Variants in ZNF443 observed in about 807,000 individuals in gnomAD.
ZNF443 encodes zinc finger protein 443.
Under a neutral mutation model 12.0 loss-of-function variants are expected in ZNF443, and 3 were observed. The ratio of observed to expected loss-of-function variants is 0.25; its 90% CI spans 0.11 to 0.64. The LOEUF (loss-of-function observed/expected upper bound fraction) is 0.64, where lower values mean the gene tolerates loss of function less well. ZNF443 is among the 30% of genes least tolerant of loss of function. The pLI is 0.84. For missense variants in ZNF443, 770 were observed against 808.8 expected, an observed-to-expected ratio of 0.95 and a Z score of 0.58; for synonymous variants, 225 against 265.9, an observed-to-expected ratio of 0.85 and a Z score of 1.50.
intron 1 of ZNF443, among the ~76,000 whole-genome samples, chr19:12,440,558 T>C (rs1330815625): frequency 6.6e-6 from 1 of 151,894 alleles, no homozygotes; most frequent in Non-Finnish European, 1.5e-5. Flanking sequence ...TCCTCCCCTC[T>C]CCTCCTGTTA....
rs1406567107 is a variant in ZNF443 at position 12,431,430 on chromosome 19, T to C, written c.742A>G (p.Thr248Ala). 1.9e-6 allele frequency: 3 copies of C among 1,614,158 alleles called. No individual in the cohort carries two copies. Among genetic ancestry groups the C allele is most frequent in the Non-Finnish European group, 2.5e-6 (3 of 1,179,990 alleles). ...TTACATTCATACGGTTTCTCCCCAGTATGTGTTCTTTCATGTCTTAGATAG... is the reference window on the plus strand; with the variant it reads ...TTACATTCATACGGTTTCTCCCCAGCATGTGTTCTTTCATGTCTTAGATAG... Reference protein sequence around the residue: ...SSYLRHERTHTGEKPYECKQC... With the variant: ...SSYLRHERTHAGEKPYECKQC... Residue 248 changes from threonine to alanine, a missense_variant, in exon 4 of 4, where the codon ACT becomes GCT. Physicochemically the swap from Thr to Ala is moderately conservative, Grantham distance 58 (BLOSUM62 0). Around this residue, in one of 3 missense-constraint regions of ZNF443, gnomAD observed 736 missense variants for 689.4 expected, o/e 1.07. Transcript: ENST00000301547.
intron 1 of ZNF443, among the ~76,000 whole-genome samples, chr19:12,433,840 A>T (rs1220195692): frequency 1.6e-5 from 1 of 61,928 alleles, no homozygotes; most frequent in Non-Finnish European, 3.1e-5. Flanking sequence ...AAAGTGGCAG[A>T]AAAAAAAAAA....
Position 12,440,926 on chromosome 19 carries a change from C to T in ZNF443, c.-12G>A. The T allele has an allele frequency of 6.2e-7, 1 of 1,614,120 alleles. No homozygotes were observed. Among genetic ancestry groups the T allele is most frequent in the Non-Finnish European group, 8.5e-7 (1 of 1,179,988 alleles). ...AGCACACGCACCATTTCCCGACTTC[C>T]GCGGTGTCCCAGGTCCTACCGACAG... On this transcript the variant is annotated 5_prime_UTR_variant, in exon 1 of 4. Coordinates refer to ENST00000301547, the MANE Select transcript of ZNF443 (RefSeq NM_005815.5).
At chr19:12,433,589 A>G (rs1970279760) in intron 1 of ZNF443, among the ~76,000 whole-genome samples, 1 of 152,156 alleles carries the variant, frequency 6.6e-6, no homozygotes, top group Non-Finnish European at 1.5e-5. Flanking sequence ...GCTTTTTCAC[A>G]AAGTTGGGCT....
In ZNF443 at chr19:12,431,087, T is replaced by C. The variant is rs765470871; in HGVS notation, c.1085A>G (p.Asn362Ser). 1.9e-6 allele frequency: 3 copies of C among 1,614,110 alleles called. No homozygotes were observed. The highest frequency in any genetic ancestry group is 2.2e-5 in the South Asian group (2 of 91,078). ...FQRHMIRHTG[N>S]GPHKCKICGK... Reference sequence around the variant, plus strand: ...ACATATCTTACATTTATGAGGTCCATTTCCAGTGTGCCTTATCATGTGTCT... The same window carrying C: ...ACATATCTTACATTTATGAGGTCCACTTCCAGTGTGCCTTATCATGTGTCT... Residue 362 changes from asparagine (N) to serine (S), a missense_variant, in exon 4 of 4, where the codon AAT becomes AGT. Coordinates refer to ENST00000301547, the MANE Select transcript of ZNF443 (RefSeq NM_005815.5).
intron 1 of ZNF443, among the ~76,000 whole-genome samples, chr19:12,438,841 G>A (rs2112843): frequency 0.73 from 110,942 of 152,138 alleles, 40,952 homozygotes; most frequent in Non-Finnish European, 0.79. Context: ...TCTGAAGTCC[G>A]ACTCTTTCCA....
At chr19:12,435,826 T>C (rs1424955628) in intron 1 of ZNF443, among the ~76,000 whole-genome samples, 1 of 151,806 alleles carries the variant, frequency 6.6e-6, no homozygotes, top group Non-Finnish European at 1.5e-5. Context: ...ATACAGTCTG[T>C]GCAAACATAC....
chr19:12,438,117 G>A (rs1204689572), intron 1 of ZNF443, among the ~76,000 whole-genome samples: 4 of 150,930 alleles, frequency 2.7e-5, no homozygotes. Flanking sequence ...AAAAAAAATT[G>A]GTCTTAGCTG....
In ZNF443 at chr19:12,431,943, C is replaced by T. The variant is rs1454994920; in HGVS notation, c.229G>A (p.Gly77Arg). The T allele has an allele frequency of 6.3e-7, 1 of 1,593,924 alleles. No individual in the cohort carries two copies. The highest frequency in any genetic ancestry group is 1.1e-5 in the South Asian group (1 of 88,026). ...MLERFVESKD[G>R]TQCGETSSQI... ...CTAGATGTTTCTCCACATTGAGTTC[C>T]ATCTTTACTTTCAACAAATCTCTCT... Residue 77 changes from glycine to arginine, a missense_variant, in exon 4 of 4, where the codon GGA (glycine) becomes AGA (arginine). Gly to Arg is a moderately radical substitution (Grantham distance 125). This residue lies in a region of ZNF443 where 736 missense variants were observed against 689.4 expected (regional missense o/e 1.07). Transcript: ENST00000301547.
intron 1 of ZNF443, among the ~76,000 whole-genome samples, chr19:12,437,707 T>G (rs2862176): frequency 0.33 from 49,908 of 151,918 alleles, 8,655 homozygotes; most frequent in South Asian, 0.47. Flanking sequence ...ACTATTTTTT[T>G]TATTCTCTCA....
chr19:12,439,968 A>C (rs1316728100), intron 1 of ZNF443, among the ~76,000 whole-genome samples: 5 of 151,562 alleles, frequency 3.3e-5, no homozygotes, highest in Admixed American at 1.3e-4. Flanking sequence ...CCCTAGGAAG[A>C]GTCAGGATGA....
At position 12,430,883 on chromosome 19, in the gene ZNF443, A is replaced by T. The variant is rs1293513513; in HGVS notation, c.1289T>A (p.Phe430Tyr). Residue 430 changes from phenylalanine (F) to tyrosine (Y), a missense_variant, in exon 4 of 4, where the codon TTT (phenylalanine) becomes TAT (tyrosine). Phe to Tyr is a conservative substitution (Grantham distance 22). Coordinates refer to ENST00000301547, the MANE Select transcript of ZNF443 (RefSeq NM_005815.5). ...TCTTTGAAATACACTGGGATAAACAAAGGCTTTCCCACATACCTTGCATTT... is the reference window on the plus strand; with the variant it reads ...TCTTTGAAATACACTGGGATAAACATAGGCTTTCCCACATACCTTGCATTT... ...PHKCKVCGKA[F>Y]VYPSVFQRHE... The T allele has an allele frequency of 7.4e-6, 12 of 1,614,022 alleles. No individual in the cohort carries two copies. Among genetic ancestry groups the T allele is most frequent in the Non-Finnish European group, 1.0e-5 (12 of 1,179,998 alleles).
chr19:12,440,995 A>C lies in ZNF443; in HGVS notation c.-81T>G. The C allele has an allele frequency of 1.2e-5, 19 of 1,611,412 alleles. No individual in the cohort carries two copies. Among genetic ancestry groups the C allele is most frequent in the Non-Finnish European group, 1.5e-5 (18 of 1,178,400 alleles). On this transcript the variant is annotated 5_prime_UTR_variant, in exon 1 of 4. Coordinates refer to ENST00000301547, the MANE Select transcript of ZNF443 (RefSeq NM_005815.5). ...GTTCCAGCCAGACAAAGGCTGCCTCAGAACTTCCAGGTCGTCTCTCAGCTA... is the reference window on the plus strand; with the variant it reads ...GTTCCAGCCAGACAAAGGCTGCCTCCGAACTTCCAGGTCGTCTCTCAGCTA...
chr19:12,436,980 T>C (rs2144956979), intron 1 of ZNF443, among the ~76,000 whole-genome samples: 1 of 151,590 alleles, frequency 6.6e-6, no homozygotes, highest in East Asian at 1.9e-4. Flanking sequence ...GGAGGAATGC[T>C]GAACACTGGG....
At chr19:12,437,022 G>C (rs1405626818) in intron 1 of ZNF443, among the ~76,000 whole-genome samples, 1 of 151,452 alleles carries the variant, frequency 6.6e-6, no homozygotes, top group Non-Finnish European at 1.5e-5. Context: ...AGCCAGTACA[G>C]TGTTACTTAA....
chr19:12,431,347 A>G lies in ZNF443; in HGVS notation c.825T>C (p.His275=), dbSNP rs1478875220. 2 of 1,613,678 alleles carry G rather than the reference A, an allele frequency of 1.2e-6. No homozygotes were observed. Among genetic ancestry groups the G allele is most frequent in the African/African-American group, 1.3e-5 (1 of 74,842 alleles). Residue 275 remains histidine (H), a synonymous_variant, in exon 4 of 4, where the codon CAT becomes CAC. Coordinates refer to ENST00000301547, the MANE Select transcript of ZNF443 (RefSeq NM_005815.5). ...TACATTTATATGGTTTCTCCCCAGTATGTGTTCTTTCATGTCTTAGATAGG... is the reference window on the plus strand; with the variant it reads ...TACATTTATATGGTTTCTCCCCAGTGTGTGTTCTTTCATGTCTTAGATAGG... ...YSSYLRHERT[H]TGEKPYKCKQ...
intron 1 of ZNF443, among the ~76,000 whole-genome samples, chr19:12,440,204 T>C (rs897134720): frequency 9.2e-5 from 13 of 141,322 alleles, no homozygotes; most frequent in Admixed American, 2.9e-4. Context: ...GGAGGCGAGA[T>C]TGCAGTTAGA....
rs1219890994 is a variant in ZNF443 at position 12,430,803 on chromosome 19, C to T, written c.1369G>A (p.Ala457Thr). The T allele has an allele frequency of 1.9e-6, 3 of 1,614,100 alleles. No individual in the cohort carries two copies. Among genetic ancestry groups the T allele is most frequent in the Non-Finnish European group, 2.5e-6 (3 of 1,179,984 alleles). Residue 457 changes from alanine (A) to threonine (T), a missense_variant, in exon 4 of 4, where the codon GCC becomes ACC. Ala to Thr is a moderately conservative substitution (Grantham distance 58). Coordinates refer to ENST00000301547, the MANE Select transcript of ZNF443 (RefSeq NM_005815.5). ...CGAAGGGAACTGGAAATACGGTAGG[C>T]TTTGCCACATTGTTTACATTTATAG... ...KPYKCKQCGK[A>T]YRISSSLRRH... is the part of the protein sequence containing the mutation.
In ZNF443 at chr19:12,430,347, T is replaced by C. The variant is rs747012779; in HGVS notation, c.1825A>G (p.Thr609Ala). 2 of 1,613,676 alleles carry C rather than the reference T, an allele frequency of 1.2e-6. No homozygotes were observed. Among genetic ancestry groups the C allele is most frequent in the East Asian group, 2.2e-5 (1 of 44,846 alleles). The change falls in exon 4 of 4, where the codon ACT (threonine) becomes GCT (alanine). Residue 609 changes from threonine to alanine, a missense_variant. Transcript: ENST00000301547. ...TCATACGGGTTCTCTCCAGTATGAG[T>C]TTTTTCATGTCCTTGAAGAAAACGG... ...HSRFLQGHEK[T>A]HTGENPYECK...
Sources: gnomAD v4.1 joint callset for allele counts (sites outside exome capture counted in the v4.1 genomes callset) on GRCh38, gnomAD v4.1.1 for gene constraint, gnomAD v4.1.1 regional missense constraint, MANE v1.5 for transcripts, NCBI Gene and HGNC (gene_info 2026-07-23, HGNC 2026-07-21) for gene names.